The following CAMK4 variants were observed in gnomAD, a reference collection of about 807,000 sequenced individuals.
The protein encoded by CAMK4 is calcium/calmodulin dependent protein kinase IV.
In CAMK4, 22 loss-of-function variants were observed where a neutral mutation model predicts 44.9. That is an observed-to-expected ratio of 0.49 (90% CI 0.35 to 0.70). CAMK4 has a LOEUF of 0.70. Among genes scored for constraint, CAMK4 ranks in the 30% least tolerant of loss-of-function variants. CAMK4 has a pLI of 0.01. For missense variants in CAMK4, 498 were observed against 586.8 expected (o/e 0.85, Z 1.56); for synonymous variants, 218 against 215.4 (o/e 1.01, Z -0.11).
intron 8 of CAMK4, among the ~76,000 whole-genome samples, chr5:111,473,843 T>C (rs912333907): frequency 3.3e-5 from 5 of 152,228 alleles, no homozygotes; most frequent in African/African-American, 1.2e-4. Context: ...TTTTTAGCTA[T>C]CAATTTTGTT....
At chr5:111,315,390 A>G (rs1455878732) in intron 1 of CAMK4, among the ~76,000 whole-genome samples, 1 of 152,172 alleles carries the variant, frequency 6.6e-6, no homozygotes. Context: ...GGTGCACAGA[A>G]CATAGAAAAG....
At chr5:111,311,787 G>A (rs1205737819) in intron 1 of CAMK4, among the ~76,000 whole-genome samples, 1 of 152,094 alleles carries the variant, frequency 6.6e-6, no homozygotes, top group Admixed American at 6.6e-5. Flanking sequence ...AACCAGCTGT[G>A]TTTGCTGTCA....
At position 111,489,770 on chromosome 5, in the gene CAMK4, A is replaced by G. The variant is rs986248716; in HGVS notation, c.*5304A>G. 6.6e-6 allele frequency: 1 copy of G among 152,212 alleles called. No individual in the cohort carries two copies. The highest frequency in any genetic ancestry group is 1.5e-5 in the Non-Finnish European group (1 of 68,040). 9.4% of individuals were successfully genotyped at this position (152,212 alleles called of 1,614,324 possible). A position where few individuals can be genotyped will look rare whatever the true frequency, so the allele number is the denominator to read the frequency against. On this transcript the variant is annotated 3_prime_UTR_variant, in exon 11 of 11. Transcript: ENST00000282356. ...AAAGTGATACAATTTGAATATTGGT[A>G]TATTGTCATTGGTCAGTAATGGAAA...
intron 1 of CAMK4, among the ~76,000 whole-genome samples, chr5:111,252,465 A>G (rs1749548009): frequency 6.6e-6 from 1 of 152,164 alleles, no homozygotes. Flanking sequence ...TTTTCTATAG[A>G]TCCTTTCTCC....
intron 1 of CAMK4, among the ~76,000 whole-genome samples, chr5:111,281,056 T>C (rs1307191890): frequency 1.3e-5 from 2 of 152,192 alleles, no homozygotes; most frequent in East Asian, 3.8e-4. Flanking sequence ...TGCTGTGGTG[T>C]TGATATTGCC....
At chr5:111,298,191 TTATG>T (rs1367371746) in intron 1 of CAMK4, among the ~76,000 whole-genome samples, 1 of 152,200 alleles carries the variant, frequency 6.6e-6, no homozygotes, top group African/African-American at 2.4e-5. Context: ...CACTTAAAAA[TTATG>T]TATATAAGTT....
At chr5:111,230,617 A>C (rs1009547573) in intron 1 of CAMK4, among the ~76,000 whole-genome samples, 2 of 151,716 alleles carry the variant, frequency 1.3e-5, no homozygotes, top group Non-Finnish European at 2.9e-5. Context: ...GTTCTGGAGA[A>C]CTTGAAAGAG....
At chr5:111,297,638 A>G (rs1034721621) in intron 1 of CAMK4, among the ~76,000 whole-genome samples, 1 of 152,190 alleles carries the variant, frequency 6.6e-6, no homozygotes, top group African/African-American at 2.4e-5. Context: ...TAAATTTTCC[A>G]CTGGAGGCTA....
At chr5:111,228,289 A>G (rs992483316) in intron 1 of CAMK4, among the ~76,000 whole-genome samples, 1 of 152,156 alleles carries the variant, frequency 6.6e-6, no homozygotes, top group Non-Finnish European at 1.5e-5. Flanking sequence ...TTCCCATTCC[A>G]CTTACTGTAG....
At chr5:111,283,244 G>C (rs1011741375) in intron 1 of CAMK4, among the ~76,000 whole-genome samples, 3 of 152,092 alleles carry the variant, frequency 2.0e-5, no homozygotes, top group African/African-American at 7.2e-5. Context: ...CAGTTAAACT[G>C]ACACCCTTAT....
At chr5:111,469,274 T>A (rs982277190) in intron 7 of CAMK4, among the ~76,000 whole-genome samples, 16 of 149,828 alleles carry the variant, frequency 1.1e-4, no homozygotes, top group Non-Finnish European at 2.1e-4. Flanking sequence ...CCCATTTTTT[T>A]ATGATTTTCA....
chr5:111,461,836 A>AAAAAAT (rs1561502491), intron 7 of CAMK4, among the ~76,000 whole-genome samples: 1 of 150,840 alleles, frequency 6.6e-6, no homozygotes, highest in African/African-American at 2.5e-5. Flanking sequence ...AAAAAAAAAA[A>AAAAAAT]TCCCAGCATT....
intron 5 of CAMK4, among the ~76,000 whole-genome samples, chr5:111,442,401 G>T (rs1014957229): frequency 2.6e-5 from 4 of 152,038 alleles, no homozygotes; most frequent in Non-Finnish European, 5.9e-5. Context: ...GAAGGCTGAG[G>T]CAGAAGAATC....
intron 1 of CAMK4, among the ~76,000 whole-genome samples, chr5:111,241,576 G>GC (rs1748995860): frequency 6.6e-6 from 1 of 152,122 alleles, no homozygotes; most frequent in Admixed American, 6.6e-5. Flanking sequence ...ACTAAGTCTA[G>GC]CTCACCCTTG....
rs547209120 is a variant in CAMK4, at chr5:111,245,665, A to G, written c.161+21021A>G. On this transcript the variant is annotated intron_variant, in intron 1 of 10. Transcript: ENST00000282356. The stretch of plus-strand genomic sequence containing the variant: ...TCTCCAACTGATTCCCTGATCTAAT[A>G]TTTTAAACCTGTTAACTGTGTGTAA... 5.5e-4 allele frequency among the ~76,000 whole-genome samples: 84 copies of G among 152,344 alleles called. 2 individuals are homozygous for G. Among genetic ancestry groups the G allele is most frequent in the African/African-American group, 1.9e-3 (79 of 41,576 alleles).
intron 4 of CAMK4, 31 bp from the exon 5 acceptor site, chr5:111,394,679 C>G (rs540039785): frequency 6.7e-7 from 1 of 1,483,048 alleles, no homozygotes; most frequent in South Asian, 1.1e-5. Flanking sequence ...ATGAATGTGC[C>G]TGAGAAGCAT....
chr5:111,348,880 T>G (rs930484714), intron 2 of CAMK4, among the ~76,000 whole-genome samples: 1 of 152,068 alleles, frequency 6.6e-6, no homozygotes, highest in African/African-American at 2.4e-5. Flanking sequence ...ACTCTCTAAA[T>G]GTTATGACAA....
intron 1 of CAMK4, among the ~76,000 whole-genome samples, chr5:111,319,841 TTAAAA>T (rs200119940): frequency 0.059 from 8,941 of 152,152 alleles, 354 homozygotes; most frequent in African/African-American, 0.1. Context: ...TGACATCCAA[TTAAAA>T]AAAACTGTCT....
intron 7 of CAMK4, among the ~76,000 whole-genome samples, chr5:111,459,384 A>G (rs1754553813): frequency 1.3e-5 from 2 of 152,180 alleles, no homozygotes; most frequent in South Asian, 2.1e-4. Flanking sequence ...GGGAGTGTTC[A>G]CAAAAGCTGA....
Sources: allele counts gnomAD v4.1 joint callset (sites outside exome capture counted in the v4.1 genomes callset), GRCh38; gene constraint gnomAD v4.1.1; transcripts MANE v1.5; gene names NCBI Gene and HGNC (gene_info 2026-07-23, HGNC 2026-07-21).